The following ITGA5 variants were observed in gnomAD, a reference collection of about 807,000 sequenced individuals.
ITGA5 encodes the protein integrin subunit alpha 5, also known as integrin alpha-5.
In ITGA5, 55 loss-of-function variants were observed where a neutral mutation model predicts 146.3. The ratio of observed to expected loss-of-function variants is 0.38; its 90% CI spans 0.30 to 0.47. The LOEUF is 0.47. Among genes scored for constraint, ITGA5 ranks in the 20% least tolerant of loss-of-function variants. The pLI is 0.99. For missense variants in ITGA5, 1,131 were observed against 1,329.0 expected, an observed-to-expected ratio of 0.85 and a Z score of 2.32; for synonymous variants, 500 against 531.8, an observed-to-expected ratio of 0.94 and a Z score of 0.82.
Position 54,403,481 on chromosome 12 carries a change from G to T in ITGA5, c.1776+144C>A. On this transcript the variant is annotated intron_variant, in intron 17 of 29. Transcript: ENST00000293379. This position sits in a 1 kb window ranked among gnomAD's most constrained non-coding sequence, Gnocchi z 4.9. ...TGGCAGCCTGCTTCCCAGCTCCTCT[G>T]ACAGAAGGTCTCCCTTTCTCAGCCC... 7.9e-7 allele frequency: 1 copy of T among 1,268,868 alleles called. No individual in the cohort carries two copies. Among genetic ancestry groups the T allele is most frequent in the Non-Finnish European group, 1.1e-6 (1 of 923,816 alleles). 78.6% of individuals were successfully genotyped at this position (1,268,868 alleles called of 1,614,324 possible).
In ITGA5 at chr12:54,419,001, A is replaced by G. The variant is rs764635661; in HGVS notation, c.198T>C (p.Phe66=). ...PGSFFGFSVE[F]YRPGTDGVSV... ...CTCACCCGTCTGTTCCCGGCCGGTA[A>G]AACTCCACTGAGAATCCGAAGAAGG... is the stretch of plus-strand genomic sequence containing the variant. The change falls in exon 1 of 30, where the codon TTT becomes TTC. Residue 66 remains phenylalanine (F), a synonymous_variant. Transcript: ENST00000293379. The G allele has an allele frequency of 3.7e-6, 6 of 1,608,934 alleles. No individual in the cohort carries two copies. In the African/African-American group the frequency reaches 5.4e-5, roughly 14 times the overall value.
chr12:54,407,710 A>G lies in ITGA5; in HGVS notation c.863-18T>C, dbSNP rs1214930782. 6.2e-7 allele frequency: 1 copy of G among 1,613,260 alleles called. No homozygotes were observed. The highest frequency in any genetic ancestry group is 8.5e-7 in the Non-Finnish European group (1 of 1,179,258). ...AACAAAGTCTGCAAAGAGAAGAGAA[A>G]GTTGTGACCTAAGGGTGGGGAAAGG... On this transcript the variant is annotated intron_variant, in intron 8 of 29. Transcript: ENST00000293379.
chr12:54,404,243 G>T lies in ITGA5; in HGVS notation c.1467C>A (p.Gly489=), dbSNP rs371679089. 1 of 1,599,142 alleles carries T rather than the reference G, an allele frequency of 6.3e-7. No individual in the cohort carries two copies. Among genetic ancestry groups the T allele is most frequent in the Non-Finnish European group, 8.5e-7 (1 of 1,172,812 alleles). Residue 489 remains glycine (G), a synonymous_variant, in exon 15 of 30, where the codon GGC becomes GGA. Transcript: ENST00000293379. ...FGVDKAVVYR[G]RPIVSASASL... The stretch of plus-strand genomic sequence containing the variant: ...AGGCACTAGCGGACACGATGGGGCG[G>T]CCCCTGCCAAGAGTGAATGTGGGGT...
At chr12:54,399,794 C>T (rs1955763258) in intron 26 of ITGA5, 36 bp from the exon 27 acceptor site, 1 of 1,608,000 alleles carries the variant, frequency 6.2e-7, no homozygotes, top group Non-Finnish European at 8.5e-7. Context: ...GTGTTCTGCC[C>T]TTGTGATGGC....
intron 27 of ITGA5, 53 bp from the exon 28 acceptor site, chr12:54,398,751 A>G: frequency 8.0e-7 from 1 of 1,242,502 alleles, no homozygotes; most frequent in South Asian, 1.4e-5. Context: ...TCCAGAGGAC[A>G]TAGGGTTCCC....
intron 6 of ITGA5, 82 bp downstream of exon 6, chr12:54,408,674 C>A: frequency 1.6e-6 from 2 of 1,280,060 alleles, no homozygotes; most frequent in Non-Finnish European, 2.2e-6. Context: ...TGTGCCACTG[C>A]ACTCCAGCCT....
At position 54,408,127 on chromosome 12, in the gene ITGA5, T is replaced by A. The variant is rs1321868106; in HGVS notation, c.800A>T (p.Tyr267Phe). 1 of 1,614,196 alleles carries A rather than the reference T, an allele frequency of 6.2e-7. No homozygotes were observed. Among genetic ancestry groups the A allele is most frequent in the Admixed American group, 1.7e-5 (1 of 60,024 alleles). ...TTGCTCACCTAGGTAGCTGTCATCA[T>A]AGATGGAACTGGCCTGGCGAGTCTG... ...QLQTRQASSI[Y>F]DDSYLGYSVA... Residue 267 changes from tyrosine (Y) to phenylalanine (F), a missense_variant, in exon 7 of 30, where the codon TAT becomes TTT. Tyr to Phe is a conservative substitution (Grantham distance 22, BLOSUM62 3). This residue lies in a region of ITGA5 where 889 missense variants were observed against 1,021.5 expected (regional missense o/e 0.87). Transcript: ENST00000293379.
chr12:54,400,046 A>G lies in ITGA5; in HGVS notation c.2644-99T>C, dbSNP rs191523442. 6.1e-4 allele frequency: 492 copies of G among 809,742 alleles called. No individual in the cohort carries two copies. The African/African-American group carries it at 6.2e-3, about 10-fold the overall frequency. 50.2% of individuals were successfully genotyped at this position (809,742 alleles called of 1,614,324 possible). ...GCAGCTTCAACCTATTCTTTCATCTATCTCTTTATTGATTCATCCAACTGT... is the reference window on the plus strand; with the variant it reads ...GCAGCTTCAACCTATTCTTTCATCTGTCTCTTTATTGATTCATCCAACTGT... On this transcript the variant is annotated intron_variant, in intron 25 of 29. Transcript: ENST00000293379.
rs754411703 is a variant in ITGA5 at position 54,408,841 on chromosome 12, TC to T, written c.646-41del. ...AGGGGAGTCCAACATCTGGTCCCAA[TC>T]CCCCCATGTCCACCACCCACGGCCC... On this transcript the variant is annotated intron_variant, in intron 5 of 29. Coordinates refer to ENST00000293379, the MANE Select transcript of ITGA5 (RefSeq NM_002205.5). 3.2e-6 allele frequency: 5 copies of T among 1,572,634 alleles called. No homozygotes were observed. In the South Asian group the frequency reaches 5.5e-5, roughly 17 times the overall value.
At chr12:54,407,146 ATAATTG>A (rs1201091019) in intron 9 of ITGA5, among the ~76,000 whole-genome samples, 1 of 152,262 alleles carries the variant, frequency 6.6e-6, no homozygotes, top group Non-Finnish European at 1.5e-5. Flanking sequence ...ACTTTAGATC[ATAATTG>A]TATGTGTGTC....
intron 1 of ITGA5, among the ~76,000 whole-genome samples, chr12:54,415,881 G>T (rs952909737): frequency 1.3e-5 from 2 of 148,528 alleles, no homozygotes; most frequent in Non-Finnish European, 2.9e-5. Flanking sequence ...AGGGAACAAG[G>T]AGCTGAGCTG....
chr12:54,409,376 C>T lies in ITGA5; in HGVS notation c.463-24G>A. 2 of 1,609,638 alleles carry T rather than the reference C, an allele frequency of 1.2e-6. No individual in the cohort carries two copies. The highest frequency in any genetic ancestry group is 1.1e-5 in the South Asian group (1 of 90,662). Reference sequence around the variant, plus strand: ...GCCTGGGAGGGCCCAGGAGGAGGGGCCTTCAGATTCAGTCCAATAAGGCCC... The same window carrying T: ...GCCTGGGAGGGCCCAGGAGGAGGGGTCTTCAGATTCAGTCCAATAAGGCCC... On this transcript the variant is annotated intron_variant, in intron 3 of 29. Coordinates refer to ENST00000293379, the MANE Select transcript of ITGA5 (RefSeq NM_002205.5). This position sits in a 1 kb window ranked among gnomAD's most constrained non-coding sequence, Gnocchi z 4.7.
intron 27 of ITGA5, 64 bp from the exon 28 acceptor site, chr12:54,398,762 C>A: frequency 1.9e-6 from 2 of 1,066,102 alleles, no homozygotes; most frequent in Non-Finnish European, 2.7e-6. Flanking sequence ...TAGGGTTCCC[C>A]ATCGTCTGGC....
At chr12:54,418,109 A>C (rs1029485378) in intron 1 of ITGA5, among the ~76,000 whole-genome samples, 2 of 151,500 alleles carry the variant, frequency 1.3e-5, no homozygotes, top group African/African-American at 4.9e-5. Flanking sequence ...CCCCAGCCCC[A>C]GAAGTCCCGG....
At chr12:54,397,738 C>T (rs943927875) in intron 28 of ITGA5, among the ~76,000 whole-genome samples, 2 of 152,094 alleles carry the variant, frequency 1.3e-5, no homozygotes, top group Non-Finnish European at 2.9e-5. Flanking sequence ...TGGAGCAGGC[C>T]CAAATATAGT....
intron 1 of ITGA5, chr12:54,412,253 T>C (rs11574800): frequency 0.021 from 5,690 of 273,456 alleles, 89 homozygotes; most frequent in Middle Eastern, 0.045. Flanking sequence ...AGTCAATTTC[T>C]AGAAGGGGAA....
In ITGA5 at chr12:54,397,467, C is replaced by T; in HGVS notation, c.2964G>A (p.Trp988Ter). The change falls in exon 29 of 30, where the codon TGG becomes TGA. Residue 988 changes from tryptophan (W) to a stop codon, truncating the protein, a stop_gained. Coordinates refer to ENST00000293379, the MANE Select transcript of ITGA5 (RefSeq NM_002205.5). LOFTEE classifies it high-confidence loss of function. ...CGCCATAGCTGCCTTCTGCCTTGGT[C>T]CATTGCACAGCTGTGGCCACCTGGG... ...KERQVATAVQ[W>*]TKAEGSYGVP... is the part of the protein sequence containing the mutation. 1 of 1,614,104 alleles carries T rather than the reference C, an allele frequency of 6.2e-7. No homozygotes were observed.
At chr12:54,412,826 C>T (rs764765800) in intron 1 of ITGA5, among the ~76,000 whole-genome samples, 7 of 152,176 alleles carry the variant, frequency 4.6e-5, no homozygotes, top group African/African-American at 1.7e-4. Context: ...CCTCCAAGAC[C>T]TCCACACCGC....
At position 54,409,152 on chromosome 12, in the gene ITGA5, G is replaced by A. The variant is rs1955907460; in HGVS notation, c.583+80C>T. The A allele has an allele frequency of 1.3e-6, 2 of 1,547,754 alleles. No individual in the cohort carries two copies. Among genetic ancestry groups the A allele is most frequent in the Non-Finnish European group, 1.7e-6 (2 of 1,144,548 alleles). On this transcript the variant is annotated intron_variant, in intron 4 of 29. Transcript: ENST00000293379. The surrounding 1 kb of genome is among the most constrained non-coding windows in gnomAD (Gnocchi z 4.7). ...AACCTCATGGGGGCACATGGTAGGT[G>A]CGAGTCAACCCTAAGTATGTGAGAC... is the stretch of plus-strand genomic sequence containing the variant.
Sources: allele counts gnomAD v4.1 joint callset (sites outside exome capture counted in the v4.1 genomes callset), GRCh38; gene constraint gnomAD v4.1.1; regional missense constraint gnomAD v4.1.1; non-coding constraint Gnocchi (gnomAD v3.1); transcripts MANE v1.5; gene names NCBI Gene and HGNC (gene_info 2026-07-23, HGNC 2026-07-21).